Variants in CDH4 observed in about 807,000 individuals in gnomAD.
CDH4 encodes cadherin-4.
In CDH4, 33 loss-of-function variants were observed where a neutral mutation model predicts 86.0. The ratio of observed to expected loss-of-function variants is 0.38; its 90% CI spans 0.29 to 0.51. CDH4 has a LOEUF of 0.51. CDH4 is among the 20% of genes least tolerant of loss of function. CDH4 has a pLI of 0.86. For missense variants in CDH4, 1,114 were observed against 1,307.4 expected, an observed-to-expected ratio of 0.85 and a Z score of 2.28; for synonymous variants, 555 against 549.4, an observed-to-expected ratio of 1.01 and a Z score of -0.14.
Position 61,269,287 on chromosome 20 carries a change from T to TG in CDH4, c.169+14356dup, listed in dbSNP as rs1241208611. Among the ~76,000 whole-genome samples, 20 of 152,222 alleles carry TG rather than the reference T, an allele frequency of 1.3e-4. No individual in the cohort carries two copies. The highest frequency in any genetic ancestry group is 1.8e-4 in the Non-Finnish European group (12 of 67,992). On this transcript the variant is annotated intron_variant, in intron 2 of 15. Transcript: ENST00000614565. The surrounding 1 kb of genome is among the most constrained non-coding windows in gnomAD (Gnocchi z 5.3). The stretch of plus-strand genomic sequence containing the variant: ...GTGGCCCTGGAGGAGCCAGGATTGA[T>TG]GGGGGGCAGCCTTCAGAGCCCAACC...
At chr20:61,660,992 G>C (rs952764956) in intron 2 of CDH4, among the ~76,000 whole-genome samples, 2 of 149,894 alleles carry the variant, frequency 1.3e-5, no homozygotes, top group East Asian at 4.0e-4. Context: ...TTGCTACTAA[G>C]AGCAGATTCT....
chr20:61,311,311 A>C (rs923651862), intron 2 of CDH4, among the ~76,000 whole-genome samples: 1 of 152,242 alleles, frequency 6.6e-6, no homozygotes, highest in Non-Finnish European at 1.5e-5. Context: ...GAAAAGATGG[A>C]TCTGACTCAA....
chr20:61,579,940 C>T (rs1292638606), intron 2 of CDH4, among the ~76,000 whole-genome samples: 31 of 147,098 alleles, frequency 2.1e-4, no homozygotes, highest in Admixed American at 2.1e-3. Flanking sequence ...CATACACTTT[C>T]TGAATTTAAA....
intron 2 of CDH4, among the ~76,000 whole-genome samples, chr20:61,565,113 CT>C (rs2086259693): frequency 3.5e-5 from 2 of 57,672 alleles, no homozygotes; most frequent in Non-Finnish European, 6.8e-5. Context: ...CTTGGTGGTG[CT>C]GGTGCTCTTG....
At chr20:61,369,375 C>T (rs950451738) in intron 2 of CDH4, among the ~76,000 whole-genome samples, 7 of 145,906 alleles carry the variant, frequency 4.8e-5, no homozygotes, top group Non-Finnish European at 4.5e-5. Flanking sequence ...TGCTTGAACC[C>T]GGGTGGTGGA....
chr20:61,776,970 G>A (rs1450161369), intron 4 of CDH4, among the ~76,000 whole-genome samples: 1 of 152,202 alleles, frequency 6.6e-6, no homozygotes, highest in Non-Finnish European at 1.5e-5. Flanking sequence ...AGATCAGCCT[G>A]TGTCCTTTCC....
chr20:61,580,640 A>T (rs78840707), intron 2 of CDH4, among the ~76,000 whole-genome samples: 1 of 18,898 alleles, frequency 5.3e-5, no homozygotes, highest in Non-Finnish European at 2.1e-4. Flanking sequence ...TTGACGCTCT[A>T]GGGGGGGAAA....
intron 2 of CDH4, among the ~76,000 whole-genome samples, chr20:61,355,869 A>T (rs1443855148): frequency 6.6e-6 from 1 of 152,208 alleles, no homozygotes; most frequent in East Asian, 1.9e-4. Flanking sequence ...TGCTTGAAAA[A>T]TTTCCTGCCT....
At chr20:61,631,506 G>A (rs1045715672) in intron 2 of CDH4, among the ~76,000 whole-genome samples, 1 of 152,214 alleles carries the variant, frequency 6.6e-6, no homozygotes, top group Non-Finnish European at 1.5e-5. Flanking sequence ...TAGGCTGGGT[G>A]TAGTGGCATG....
At chr20:61,871,624 C>G (rs1487482541) in intron 6 of CDH4, among the ~76,000 whole-genome samples, 1 of 151,986 alleles carries the variant, frequency 6.6e-6, no homozygotes, top group Non-Finnish European at 1.5e-5. Context: ...GGGGATGTCT[C>G]TTTAGAGGGG....
chr20:61,739,796 G>A (rs1459281052), intron 2 of CDH4, among the ~76,000 whole-genome samples: 6 of 152,238 alleles, frequency 3.9e-5, no homozygotes, highest in East Asian at 1.9e-4. Flanking sequence ...CTGCAGAGGC[G>A]AGGGCAGCAC....
chr20:61,369,429 T>A (rs1442886505), intron 2 of CDH4, among the ~76,000 whole-genome samples: 2 of 113,128 alleles, frequency 1.8e-5, no homozygotes, highest in African/African-American at 7.2e-5. Context: ...CCAGCCTGGG[T>A]GACAGAGTGA....
At chr20:61,260,527 T>A (rs1245433827) in intron 2 of CDH4, among the ~76,000 whole-genome samples, 1 of 152,204 alleles carries the variant, frequency 6.6e-6, no homozygotes, top group Non-Finnish European at 1.5e-5. Context: ...AACCTTGGTC[T>A]CTGTAGCGAA....
chr20:61,885,410 G>A (rs954021044), intron 7 of CDH4, among the ~76,000 whole-genome samples: 8 of 152,134 alleles, frequency 5.3e-5, no homozygotes, highest in South Asian at 2.1e-4. Context: ...CATGCATGGC[G>A]TTTCGTGTCT....
intron 7 of CDH4, among the ~76,000 whole-genome samples, chr20:61,889,787 AGTGGATG>A (rs944810484): frequency 9.0e-5 from 13 of 143,890 alleles, no homozygotes; most frequent in African/African-American, 2.6e-4. Context: ...TGGATGGGTG[AGTGGATG>A]GTGGATGGTG....
intron 2 of CDH4, among the ~76,000 whole-genome samples, chr20:61,685,080 A>G (rs1317072687): frequency 6.6e-6 from 1 of 151,744 alleles, no homozygotes; most frequent in East Asian, 1.9e-4. Context: ...TAAGACAGCC[A>G]CTCCCATTCC....
chr20:61,442,900 G>A (rs559100489), intron 2 of CDH4, among the ~76,000 whole-genome samples: 5 of 152,168 alleles, frequency 3.3e-5, no homozygotes, highest in Non-Finnish European at 7.3e-5. Flanking sequence ...CATGGTGGGG[G>A]CTGCCTTGTG....
chr20:61,410,773 T>A (rs1391923638), intron 2 of CDH4, among the ~76,000 whole-genome samples: 1 of 151,996 alleles, frequency 6.6e-6, no homozygotes, highest in Non-Finnish European at 1.5e-5. Context: ...CATTCATCCA[T>A]CTGTCAGTCA....
intron 2 of CDH4, among the ~76,000 whole-genome samples, chr20:61,533,835 G>A (rs2085974354): frequency 6.6e-6 from 1 of 152,192 alleles, no homozygotes; most frequent in Non-Finnish European, 1.5e-5. Flanking sequence ...CCAGGCAAAT[G>A]TGTTTAAAAC....
Sources: allele counts gnomAD v4.1 joint callset (sites outside exome capture counted in the v4.1 genomes callset), GRCh38; gene constraint gnomAD v4.1.1; non-coding constraint Gnocchi (gnomAD v3.1); transcripts MANE v1.5; gene names NCBI Gene and HGNC (gene_info 2026-07-23, HGNC 2026-07-21).